CFAP97D2: variants seen among roughly 807,000 people sequenced by gnomAD.
CFAP97D2 encodes uncharacterized protein CFAP97D2.
rs374852066 is a variant in CFAP97D2 at position 114,211,526 on chromosome 13, C to G, written c.291-386C>G. Reference sequence around the variant, plus strand: ...TGCCCTCCCCGCCTGGGACCCTGCTCTCCGCCATGGGTGCCCGGGTGCTCG... The same window carrying G: ...TGCCCTCCCCGCCTGGGACCCTGCTGTCCGCCATGGGTGCCCGGGTGCTCG... On this transcript the variant is annotated intron_variant, in intron 3 of 4. Coordinates refer to ENST00000646158, the Ensembl canonical transcript of CFAP97D2. This position sits in a 1 kb window ranked among gnomAD's most constrained non-coding sequence, Gnocchi z 4.2. 1.1e-3 allele frequency among the ~76,000 whole-genome samples: 174 copies of G among 152,192 alleles called. No homozygotes were observed. The highest frequency in any genetic ancestry group is 3.9e-3 in the African/African-American group (161 of 41,504).
In CFAP97D2 at chr13:114,212,053, G is replaced by A. The variant is rs2080969264; in HGVS notation, c.432G>A (p.Gly144=). The change falls in exon 4 of 5, where the codon GGG becomes GGA. Residue 144 remains glycine (G), a synonymous_variant. Coordinates refer to ENST00000646158, the Ensembl canonical transcript of CFAP97D2. ...CTGGGGCAGGGCTGAGAAGTCCCGGGTGCTGGTGTGGAATCTCCCTGGAGA... is the reference window on the plus strand; with the variant it reads ...CTGGGGCAGGGCTGAGAAGTCCCGGATGCTGGTGTGGAATCTCCCTGGAGA... 7.5e-6 allele frequency: 3 copies of A among 398,560 alleles called. No individual in the cohort carries two copies. The Admixed American group carries it at 1.3e-4, about 18-fold the overall frequency. 24.7% of individuals were successfully genotyped at this position (398,560 alleles called of 1,614,324 possible).
intron 4 of CFAP97D2, among the ~76,000 whole-genome samples, chr13:114,221,410 T>A (rs1056243407): frequency 5.3e-5 from 8 of 152,264 alleles, no homozygotes; most frequent in Non-Finnish European, 1.0e-4. Context: ...TTCAGAAAGA[T>A]GTTTAACAAC....
At chr13:114,222,829 G>A (rs571599547), downstream of CFAP97D2, 5 of 316,066 alleles carry the variant, frequency 1.6e-5, no homozygotes, top group South Asian at 4.7e-4. This position sits in a 1 kb window ranked among gnomAD's most constrained non-coding sequence, Gnocchi z 4.4. Context: ...AGCAGATGAC[G>A]CAGCAAAACT....
At chr13:114,212,037 G>A (rs947798237) in exon 4 of CFAP97D2, 23 of 398,528 alleles carry the variant, frequency 5.8e-5, no homozygotes, top group Middle Eastern at 6.2e-4. Flanking sequence ...ACTGGGGCAG[G>A]GCTGAGAAGT....
intron 3 of CFAP97D2, among the ~76,000 whole-genome samples, chr13:114,210,256 C>G (rs925418169): frequency 6.6e-6 from 1 of 151,902 alleles, no homozygotes; most frequent in African/African-American, 2.4e-5. Flanking sequence ...GGGTTCATCA[C>G]TTTCTTAATC....
At chr13:114,216,484 C>T (rs1225055721) in intron 4 of CFAP97D2, among the ~76,000 whole-genome samples, 2 of 151,978 alleles carry the variant, frequency 1.3e-5, no homozygotes, top group Non-Finnish European at 2.9e-5. Context: ...CGCTAACCTT[C>T]CTGTGTCCAT....
intron 4 of CFAP97D2, among the ~76,000 whole-genome samples, chr13:114,212,632 G>C (rs2080972602): frequency 6.6e-6 from 1 of 152,088 alleles, no homozygotes; most frequent in South Asian, 2.1e-4. Context: ...GGTGGATAAC[G>C]ATGTCAGGAG....
chr13:114,182,464 T>C lies in CFAP97D2; in HGVS notation c.90+3044T>C, dbSNP rs576378886. On this transcript the variant is annotated intron_variant, in intron 1 of 4. Coordinates refer to ENST00000646158, the Ensembl canonical transcript of CFAP97D2. ...ACTGCAAGAGGCCTTCCTCTTTTAC[T>C]AATCCACCTCAGCACAGACCCTTTA... Among the ~76,000 whole-genome samples the C allele has an allele frequency of 3.1e-3, 456 of 149,474 alleles. 3 individuals carry two copies. Among genetic ancestry groups the C allele is most frequent in the African/African-American group, 9.9e-3 (399 of 40,120 alleles).
At chr13:114,221,850 A>C (rs762627255) in intron 4 of CFAP97D2, among the ~76,000 whole-genome samples, 4 of 152,106 alleles carry the variant, frequency 2.6e-5, no homozygotes, top group Non-Finnish European at 5.9e-5. Flanking sequence ...CAGCAACTCC[A>C]CTCCTAGGTC....
At position 114,202,021 on chromosome 13, in the gene CFAP97D2, G is replaced by A. The variant is rs113953245; in HGVS notation, c.290+1578G>A. Among the ~76,000 whole-genome samples the A allele has an allele frequency of 4.1e-3, 626 of 152,276 alleles. 6 individuals are homozygous for A. Among genetic ancestry groups the A allele is most frequent in the African/African-American group, 0.014 (600 of 41,564 alleles). On this transcript the variant is annotated intron_variant, in intron 3 of 4. Coordinates refer to ENST00000646158, the Ensembl canonical transcript of CFAP97D2. ...CTCCCCAGGTTTCCCTGAGCCTTTCGGTCCCCCTACCCACCACCCTCTGCC... is the reference window on the plus strand; with the variant it reads ...CTCCCCAGGTTTCCCTGAGCCTTTCAGTCCCCCTACCCACCACCCTCTGCC...
At chr13:114,194,728 T>TC (rs202061976) in intron 1 of CFAP97D2, among the ~76,000 whole-genome samples, 2 of 86,628 alleles carry the variant, frequency 2.3e-5, no homozygotes, top group Non-Finnish European at 4.0e-5. Flanking sequence ...AACACTCCCT[T>TC]CCCCCCGTAC....
chr13:114,208,259 A>G (rs1413933505), intron 3 of CFAP97D2, among the ~76,000 whole-genome samples: 2 of 152,244 alleles, frequency 1.3e-5, no homozygotes, highest in African/African-American at 4.8e-5. Flanking sequence ...AAGTCAGCCA[A>G]TATCGTTGTT....
At chr13:114,213,934 A>G in intron 4 of CFAP97D2, among the ~76,000 whole-genome samples, 1 of 86,906 alleles carries the variant, frequency 1.2e-5, no homozygotes, top group East Asian at 3.5e-4. Context: ...CTCCAGGACC[A>G]CAGACCCCCA....
chr13:114,182,576 T>G (rs1267310625), intron 1 of CFAP97D2, among the ~76,000 whole-genome samples: 1 of 152,162 alleles, frequency 6.6e-6, no homozygotes, highest in Non-Finnish European at 1.5e-5. Context: ...CCTTGGACAA[T>G]ACCCCGCTTT....
In CFAP97D2 at chr13:114,203,984, A is replaced by G. The variant is rs1428039137; in HGVS notation, c.290+3541A>G. On this transcript the variant is annotated intron_variant, in intron 3 of 4. Coordinates refer to ENST00000646158, the Ensembl canonical transcript of CFAP97D2. The surrounding 1 kb of genome is among the most constrained non-coding windows in gnomAD (Gnocchi z 4.3). ...ATTGTTTTAGTCAAAACAATCCTGA[A>G]AAAGAAGATCAAAGTAGTAGGACTC... 6.6e-6 allele frequency among the ~76,000 whole-genome samples: 1 copy of G among 152,226 alleles called. No homozygotes were observed. The highest frequency in any genetic ancestry group is 1.5e-5 in the Non-Finnish European group (1 of 68,046).
intron 3 of CFAP97D2, among the ~76,000 whole-genome samples, chr13:114,209,754 G>C (rs1486638155): frequency 6.6e-6 from 1 of 152,174 alleles, no homozygotes; most frequent in African/African-American, 2.4e-5. Flanking sequence ...GTGTTGACCT[G>C]TCTACTGTCT....
chr13:114,189,506 C>A lies in CFAP97D2; in HGVS notation c.91-6890C>A, dbSNP rs2080862011. Among the ~76,000 whole-genome samples the A allele has an allele frequency of 6.6e-6, 1 of 152,118 alleles. No homozygotes were observed. Among genetic ancestry groups the A allele is most frequent in the Non-Finnish European group, 1.5e-5 (1 of 68,014 alleles). On this transcript the variant is annotated intron_variant, in intron 1 of 4. Coordinates refer to ENST00000646158, the Ensembl canonical transcript of CFAP97D2. This position sits in a 1 kb window ranked among gnomAD's most constrained non-coding sequence, Gnocchi z 4.5. Reference sequence around the variant, plus strand: ...CTGTGAAGCAGCACTACCTTATAACCAAAACCAAAGACATTACAAGAAAAC... The same window carrying A: ...CTGTGAAGCAGCACTACCTTATAACAAAAACCAAAGACATTACAAGAAAAC...
In CFAP97D2 at chr13:114,187,878, T is replaced by C. The variant is rs965357457; in HGVS notation, c.90+8458T>C. On this transcript the variant is annotated intron_variant, in intron 1 of 4. Transcript: ENST00000646158. The surrounding 1 kb of genome is among the most constrained non-coding windows in gnomAD (Gnocchi z 4.2). ...GCCACAAAACACATATTAGCAAATT[T>C]AGAAGAACAGAAATAATACAATATC... Among the ~76,000 whole-genome samples, 4 of 152,216 alleles carry C rather than the reference T, an allele frequency of 2.6e-5. No individual in the cohort carries two copies. The highest frequency in any genetic ancestry group is 9.6e-5 in the African/African-American group (4 of 41,460).
rs1249144572 is a variant in CFAP97D2, at chr13:114,187,247, A to G, written c.90+7827A>G. 6.6e-6 allele frequency among the ~76,000 whole-genome samples: 1 copy of G among 152,214 alleles called. No individual in the cohort carries two copies. Among genetic ancestry groups the G allele is most frequent in the Non-Finnish European group, 1.5e-5 (1 of 68,042 alleles). On this transcript the variant is annotated intron_variant, in intron 1 of 4. Transcript: ENST00000646158. The surrounding 1 kb of genome is among the most constrained non-coding windows in gnomAD (Gnocchi z 4.2). ...TAAAATGCTCAATTAAAACCACAAAAGGCAGAAAAGACAAAAATAACAAAT... is the reference window on the plus strand; with the variant it reads ...TAAAATGCTCAATTAAAACCACAAAGGGCAGAAAAGACAAAAATAACAAAT...
Sources: gnomAD v4.1 joint callset for allele counts (sites outside exome capture counted in the v4.1 genomes callset) on GRCh38, gnomAD v4.1.1 for gene constraint, Gnocchi (gnomAD v3.1) non-coding constraint, MANE v1.5 for transcripts, NCBI Gene and HGNC (gene_info 2026-07-23, HGNC 2026-07-21) for gene names.